Variants in RPH3A observed in about 807,000 individuals in gnomAD.
The protein encoded by RPH3A is rabphilin-3A.
Under a neutral mutation model 102.2 loss-of-function variants are expected in RPH3A, and 48 were observed. That is an observed-to-expected ratio of 0.47 (90% confidence interval 0.37 to 0.60). The LOEUF (loss-of-function observed/expected upper bound fraction) is 0.60. Ranked by LOEUF, RPH3A falls within the 20% of genes least tolerant of loss-of-function variation. RPH3A has a pLI of 0.00. For missense variants in RPH3A, 781 were observed against 910.1 expected (o/e 0.86, Z 1.83); for synonymous variants, 310 against 324.3 (o/e 0.96, Z 0.47).
chr12:112,628,041 AACTC>A (rs1395054158), intron 1 of RPH3A, among the ~76,000 whole-genome samples: 10 of 152,058 alleles, frequency 6.6e-5, no homozygotes, highest in Admixed American at 5.9e-4. Flanking sequence ...ATCTTGCAAG[AACTC>A]ACTCACTGTC....
intron 1 of RPH3A, among the ~76,000 whole-genome samples, chr12:112,628,926 C>T (rs11066364): frequency 0.014 from 2,116 of 152,138 alleles, 62 homozygotes; most frequent in African/African-American, 0.049. Flanking sequence ...GACCAGGTGG[C>T]AGCGTGGGTG....
At chr12:112,867,544 G>A (rs542561630) in intron 7 of RPH3A, among the ~76,000 whole-genome samples, 1 of 152,266 alleles carries the variant, frequency 6.6e-6, no homozygotes, top group Non-Finnish European at 1.5e-5. Flanking sequence ...GGTCCGGGCA[G>A]AACTAAGAGG....
At chr12:112,658,134 G>A (rs899834822) in intron 1 of RPH3A, among the ~76,000 whole-genome samples, 1 of 151,906 alleles carries the variant, frequency 6.6e-6, no homozygotes, top group African/African-American at 2.4e-5. Context: ...GGAATAGTGG[G>A]ATCTGATTTT....
chr12:112,675,180 T>C (rs1211218321), intron 1 of RPH3A, among the ~76,000 whole-genome samples: 1 of 152,214 alleles, frequency 6.6e-6, no homozygotes. Context: ...GGAAAGAGTT[T>C]TTTTTGTTGT....
In RPH3A at chr12:112,896,926, T is replaced by C. The variant is rs2043188695; in HGVS notation, c.*146T>C. The C allele has an allele frequency of 1.4e-5, 11 of 798,226 alleles. No individual in the cohort carries two copies. Among genetic ancestry groups the C allele is most frequent in the South Asian group, 1.1e-4 (6 of 55,220 alleles). 49.4% of individuals were successfully genotyped at this position (798,226 alleles called of 1,614,324 possible). A position where few individuals can be genotyped will look rare whatever the true frequency, so the allele number is the denominator to read the frequency against. ...AGCCTGCCTTTGAGCCCCCGTCACGTTGGGCACTGCTGCCAAAGACTCCCT... is the reference window on the plus strand; with the variant it reads ...AGCCTGCCTTTGAGCCCCCGTCACGCTGGGCACTGCTGCCAAAGACTCCCT... On this transcript the variant is annotated 3_prime_UTR_variant, in exon 22 of 22. Coordinates refer to ENST00000389385, the MANE Select transcript of RPH3A (RefSeq NM_001143854.2).
In RPH3A at chr12:112,862,942, T is replaced by C. The variant is rs143965281; in HGVS notation, c.231-2472T>C. Among the ~76,000 whole-genome samples, 1,185 of 151,706 alleles carry C rather than the reference T, an allele frequency of 7.8e-3. 19 individuals carry two copies. The highest frequency in any genetic ancestry group is 0.028 in the African/African-American group (1,143 of 41,400). ...CTCCCATCGGCTCTCCCCTGCCATG[T>C]ATGTACACAGCTGGGACCCAGTCCA... is the stretch of plus-strand genomic sequence containing the variant. On this transcript the variant is annotated intron_variant, in intron 5 of 21. Transcript: ENST00000389385.
chr12:112,663,469 C>G (rs1248023909), intron 1 of RPH3A, among the ~76,000 whole-genome samples: 1 of 152,072 alleles, frequency 6.6e-6, no homozygotes, highest in Non-Finnish European at 1.5e-5. Flanking sequence ...CCACCATGGC[C>G]TCCCCTTAGC....
chr12:112,692,422 G>A lies in RPH3A; in HGVS notation c.-139-99721G>A, dbSNP rs147512605. Among the ~76,000 whole-genome samples the A allele has an allele frequency of 1.7e-3, 258 of 152,170 alleles. 1 individual carries two copies. The highest frequency in any genetic ancestry group is 6.0e-3 in the African/African-American group (247 of 41,498). On this transcript the variant is annotated intron_variant, in intron 1 of 21. Coordinates refer to the RPH3A transcript ENST00000543106. ...GTATCAAATCAGCATTATATATCCC[G>A]TAAATATGTACAGTTATTCTGTGTC... is the stretch of plus-strand genomic sequence containing the variant.
chr12:112,781,232 C>T (rs934519953), intron 1 of RPH3A, among the ~76,000 whole-genome samples: 1 of 152,024 alleles, frequency 6.6e-6, no homozygotes, highest in Non-Finnish European at 1.5e-5. Flanking sequence ...AAAAAATATC[C>T]TCTGGAACTT....
chr12:112,851,928 G>A (rs546516547), intron 5 of RPH3A, among the ~76,000 whole-genome samples: 20 of 152,248 alleles, frequency 1.3e-4, no homozygotes, highest in Non-Finnish European at 2.6e-4. Flanking sequence ...AGGTTGTTTC[G>A]GTCATCTATT....
intron 1 of RPH3A, among the ~76,000 whole-genome samples, chr12:112,649,626 A>G (rs2039959226): frequency 6.6e-6 from 1 of 152,252 alleles, no homozygotes; most frequent in Non-Finnish European, 1.5e-5. Flanking sequence ...ATTTTGAGGA[A>G]TACTGCATTT....
chr12:112,706,207 T>C (rs2040425915), intron 1 of RPH3A, among the ~76,000 whole-genome samples: 1 of 152,200 alleles, frequency 6.6e-6, no homozygotes, highest in African/African-American at 2.4e-5. Flanking sequence ...TTATCTTGAT[T>C]GTCACATATG....
At chr12:112,698,142 A>G (rs1356070050) in intron 1 of RPH3A, among the ~76,000 whole-genome samples, 2 of 152,252 alleles carry the variant, frequency 1.3e-5, no homozygotes, top group Non-Finnish European at 2.9e-5. Context: ...AGGTGCCAAG[A>G]CAGTCCAATG....
intron 17 of RPH3A, among the ~76,000 whole-genome samples, chr12:112,889,153 G>T (rs1245328867): frequency 1.1e-4 from 16 of 152,252 alleles, no homozygotes; most frequent in Admixed American, 7.9e-4. Flanking sequence ...TTCAAGGAAG[G>T]ATTTCCACTG....
chr12:112,814,435 T>G (rs758355188), intron 2 of RPH3A, among the ~76,000 whole-genome samples: 1 of 152,150 alleles, frequency 6.6e-6, no homozygotes, highest in African/African-American at 2.4e-5. Flanking sequence ...CTTGATTACC[T>G]CCAATGATGG....
At chr12:112,684,320 A>T (rs1467028616) in intron 1 of RPH3A, among the ~76,000 whole-genome samples, 1 of 152,146 alleles carries the variant, frequency 6.6e-6, no homozygotes, top group Non-Finnish European at 1.5e-5. Context: ...GTGCAGTGGT[A>T]CAATCTCGGC....
intron 1 of RPH3A, among the ~76,000 whole-genome samples, chr12:112,778,150 T>C (rs1276329495): frequency 6.6e-6 from 1 of 152,190 alleles, no homozygotes; most frequent in Non-Finnish European, 1.5e-5. Context: ...AGAGATGAAA[T>C]GTGTTAGTGA....
intron 4 of RPH3A, among the ~76,000 whole-genome samples, chr12:112,843,311 C>T (rs2042176790): frequency 6.6e-6 from 1 of 152,136 alleles, no homozygotes; most frequent in Non-Finnish European, 1.5e-5. Flanking sequence ...ACATGAAAAT[C>T]CACAGGAGGC....
chr12:112,679,722 G>A (rs2040213653), intron 1 of RPH3A, among the ~76,000 whole-genome samples: 2 of 152,140 alleles, frequency 1.3e-5, no homozygotes, highest in Admixed American at 6.5e-5. Flanking sequence ...CACCACACCC[G>A]GCCTACTTAC....
Sources: gnomAD v4.1 joint callset for allele counts (sites outside exome capture counted in the v4.1 genomes callset) on GRCh38, gnomAD v4.1.1 for gene constraint, MANE v1.5 for transcripts, NCBI Gene and HGNC (gene_info 2026-07-23, HGNC 2026-07-21) for gene names.